PCYOX1L: variants seen among roughly 807,000 people sequenced by gnomAD.
PCYOX1L encodes the protein prenylcysteine oxidase 1 like.
A neutral mutation model predicts 44.1 loss-of-function variants in PCYOX1L; 40 were observed. The observed-to-expected ratio is 0.91, with a 90% CI of 0.70 to 1.18. The LOEUF is 1.18. Ranked by LOEUF, PCYOX1L falls within the 50% of genes most tolerant of loss-of-function variation. The pLI is 0.00. For missense variants in PCYOX1L, 605 were observed against 653.3 expected (o/e 0.93, Z 0.81); for synonymous variants, 266 against 282.8 (o/e 0.94, Z 0.60).
intron 2 of PCYOX1L, 77 bp downstream of exon 2, chr5:149,362,920 C>T (rs777132236): frequency 1.3e-6 from 2 of 1,501,344 alleles, no homozygotes; most frequent in Non-Finnish European, 9.2e-7. Context: ...TCAGACTTCC[C>T]AGACCATCAA....
rs963086858 is a variant in PCYOX1L at position 149,364,094 on chromosome 5, C to T, written c.354C>T (p.Phe118=). ...GRSAIFGGEH[F]MLEETDWYLL... ...GCGCCATCTTCGGCGGGGAGCACTTCATGCTGGAGGAGACTGACTGGTACC... is the reference window on the plus strand; with the variant it reads ...GCGCCATCTTCGGCGGGGAGCACTTTATGCTGGAGGAGACTGACTGGTACC... Residue 118 remains phenylalanine (F), a synonymous_variant, in exon 3 of 6, where the codon TTC becomes TTT. Coordinates refer to ENST00000274569, the MANE Select transcript of PCYOX1L (RefSeq NM_024028.4). 6.2e-7 allele frequency: 1 copy of T among 1,614,160 alleles called. No individual in the cohort carries two copies. The highest frequency in any genetic ancestry group is 8.5e-7 in the Non-Finnish European group (1 of 1,180,012).
Position 149,366,115 on chromosome 5 carries a change from C to G in PCYOX1L, c.644C>G (p.Ala215Gly), listed in dbSNP as rs778169508. 6 of 1,613,654 alleles carry G rather than the reference C, an allele frequency of 3.7e-6. No homozygotes were observed. The highest frequency in any genetic ancestry group is 1.7e-5 in the Admixed American group (1 of 60,022). ...GATGTCGTTTCTGCTGTCCTGCGGG[C>G]CAGCTATGGCCAGTCAGCAGCGATG... ...IDDVVSAVLR[A>G]SYGQSAAMPA... The change falls in exon 4 of 6, where the codon GCC becomes GGC. Residue 215 changes from alanine (A) to glycine (G), a missense_variant. Physicochemically the swap from Ala to Gly is moderately conservative, Grantham distance 60. Transcript: ENST00000274569.
At chr5:149,363,541 T>C (rs1758091993) in intron 2 of PCYOX1L, 1 of 218,260 alleles carries the variant, frequency 4.6e-6, no homozygotes, top group Non-Finnish European at 9.3e-6. Context: ...TATGCCCAGA[T>C]ACAGGGCAAT....
In PCYOX1L at chr5:149,362,632, G is replaced by C; in HGVS notation, c.89-5G>C. The C allele has an allele frequency of 1.2e-6, 2 of 1,614,010 alleles. No homozygotes were observed. The highest frequency in any genetic ancestry group is 1.7e-6 in the Non-Finnish European group (2 of 1,180,052). ...TTCTTCCCTACCTCCCGGGCCTGCTGACAGCGGTGGTTGGGGCTGGGATTG... is the reference window on the plus strand; with the variant it reads ...TTCTTCCCTACCTCCCGGGCCTGCTCACAGCGGTGGTTGGGGCTGGGATTG... On this transcript the variant is annotated splice_region_variant and splice_polypyrimidine_tract_variant and intron_variant, in intron 1 of 5. Transcript: ENST00000274569.
chr5:149,358,806 C>G (rs1269085993), intron 1 of PCYOX1L, among the ~76,000 whole-genome samples: 2 of 152,146 alleles, frequency 1.3e-5, no homozygotes. Context: ...GTGGTTTCCC[C>G]AATACTTTAT....
At chr5:149,361,167 G>C (rs1427897002) in intron 1 of PCYOX1L, among the ~76,000 whole-genome samples, 1 of 152,170 alleles carries the variant, frequency 6.6e-6, no homozygotes, top group African/African-American at 2.4e-5. Context: ...CCAGCACTTG[G>C]GGAGGCCAAG....
chr5:149,364,405 T>G (rs957808122), intron 3 of PCYOX1L, 195 bp downstream of exon 3: 10 of 601,186 alleles, frequency 1.7e-5, no homozygotes, highest in Non-Finnish European at 2.9e-5. Flanking sequence ...CTCCCTAGTA[T>G]TGTCACATTG....
intron 5 of PCYOX1L, 104 bp downstream of exon 5, chr5:149,367,604 AGTATTTCCG>A: frequency 6.8e-7 from 1 of 1,472,362 alleles, no homozygotes; most frequent in Admixed American, 2.7e-5. Context: ...CCCCCTGGGG[AGTATTTCCG>A]AAAAAGCATT....
chr5:149,367,805 C>T (rs1278140273), intron 5 of PCYOX1L, among the ~76,000 whole-genome samples, 188 bp from the exon 6 acceptor site: 1 of 152,208 alleles, frequency 6.6e-6, no homozygotes, highest in African/African-American at 2.4e-5. Flanking sequence ...GAAACTGAGT[C>T]TCCTGACTCC....
chr5:149,362,524 G>A (rs1416317631), intron 1 of PCYOX1L, 113 bp from the exon 2 acceptor site: 1 of 1,084,994 alleles, frequency 9.2e-7, no homozygotes, highest in Non-Finnish European at 1.3e-6. Context: ...TATAAGCCTA[G>A]GAAATTTAAG....
At position 149,358,054 on chromosome 5, in the gene PCYOX1L, C is replaced by G. The variant is rs976045368; in HGVS notation, c.-15C>G. 3.0e-6 allele frequency: 4 copies of G among 1,329,280 alleles called. No individual in the cohort carries two copies. Among genetic ancestry groups the G allele is most frequent in the Admixed American group, 3.9e-5 (1 of 25,624 alleles). The allele number at this position is 1,329,280 out of a possible 1,614,324, so 82.3% of individuals were successfully genotyped here. A position where few individuals can be genotyped will look rare whatever the true frequency, so the allele number is the denominator to read the frequency against. On this transcript the variant is annotated 5_prime_UTR_variant, in exon 1 of 6. Coordinates refer to ENST00000274569, the MANE Select transcript of PCYOX1L (RefSeq NM_024028.4). ...TAGCGCCTGAATCCGGCGTGCTGCC[C>G]GCTCGCCGCCCGCCATGGCCCGCGC... is the stretch of plus-strand genomic sequence containing the variant.
At chr5:149,362,383 G>A in intron 1 of PCYOX1L, 1 of 514,530 alleles carries the variant, frequency 1.9e-6, no homozygotes, top group Admixed American at 3.3e-5. Flanking sequence ...AGTATTCTTT[G>A]CTGGTCTTTT....
intron 1 of PCYOX1L, among the ~76,000 whole-genome samples, chr5:149,360,679 G>A (rs1308731420): frequency 1.3e-5 from 2 of 152,164 alleles, no homozygotes; most frequent in Admixed American, 1.3e-4. Flanking sequence ...TGACATCTGA[G>A]GGCTGTTGAA....
intron 5 of PCYOX1L, 113 bp downstream of exon 5, chr5:149,367,613 G>A (rs898328878): frequency 4.7e-5 from 67 of 1,436,668 alleles, no homozygotes; most frequent in African/African-American, 1.0e-4. Flanking sequence ...GAGTATTTCC[G>A]AAAAAGCATT....
chr5:149,364,169 G>A lies in PCYOX1L; in HGVS notation c.429G>A (p.Arg143=). The A allele has an allele frequency of 3.1e-6, 5 of 1,614,190 alleles. No homozygotes were observed. Among genetic ancestry groups the A allele is most frequent in the Non-Finnish European group, 4.2e-6 (5 of 1,180,032 alleles). ...LWWHYGISFL[R]LQMWVEEVME... ...GGCACTATGGCATCAGCTTCCTGAG[G>A]CTGCAGATGTGGGTGGAGGAGGTCA... Residue 143 remains arginine (R), a synonymous_variant, in exon 3 of 6, where the codon AGG becomes AGA. Coordinates refer to ENST00000274569, the MANE Select transcript of PCYOX1L (RefSeq NM_024028.4).
At position 149,367,358 on chromosome 5, in the gene PCYOX1L, A is replaced by C. The variant is rs1217924079; in HGVS notation, c.683-2A>C. The stretch of plus-strand genomic sequence containing the variant: ...TCAGCACCCACTTCCCGCTTTGCCC[A>C]GGAGCCATGTCACTAGCCGGGGCCC... On this transcript the variant is annotated splice_acceptor_variant, in intron 4 of 5. Coordinates refer to ENST00000274569, the MANE Select transcript of PCYOX1L (RefSeq NM_024028.4). LOFTEE classifies it high-confidence loss of function. 3 of 1,609,580 alleles carry C rather than the reference A, an allele frequency of 1.9e-6. No individual in the cohort carries two copies. Among genetic ancestry groups the C allele is most frequent in the South Asian group, 1.1e-5 (1 of 90,646 alleles).
At chr5:149,365,610 T>G (rs1581371481) in intron 3 of PCYOX1L, 1 of 321,418 alleles carries the variant, frequency 3.1e-6, no homozygotes, top group South Asian at 3.9e-5. Flanking sequence ...TCAGCAGGGG[T>G]GGGCCGTAGC....
At chr5:149,365,212 A>G (rs763169418) in intron 3 of PCYOX1L, 2 of 152,294 alleles carry the variant, frequency 1.3e-5, no homozygotes, top group African/African-American at 4.8e-5. Flanking sequence ...GTTGACTTCT[A>G]CGTTTTATGG....
chr5:149,358,618 G>C (rs948760323), intron 1 of PCYOX1L, among the ~76,000 whole-genome samples: 1 of 152,198 alleles, frequency 6.6e-6, no homozygotes, highest in African/African-American at 2.4e-5. Flanking sequence ...GCATGCAGAG[G>C]AGGGGCGCTT....
Sources: allele counts gnomAD v4.1 joint callset (sites outside exome capture counted in the v4.1 genomes callset), GRCh38; gene constraint gnomAD v4.1.1; transcripts MANE v1.5; gene names NCBI Gene and HGNC (gene_info 2026-07-23, HGNC 2026-07-21).